POGZ: variants seen among roughly 807,000 people sequenced by gnomAD.
The protein encoded by POGZ is pogo transposable element derived with ZNF domain.
POGZ carries 17 observed loss-of-function variants against 134.6 expected under a neutral mutation model. The ratio of observed to expected loss-of-function variants is 0.13; its 90% CI spans 0.09 to 0.19. The LOEUF is 0.19. Among genes scored for constraint, POGZ ranks in the 10% least tolerant of loss-of-function variants. The pLI is 1.00. For missense variants in POGZ, 1,306 were observed against 1,769.7 expected (o/e 0.74, Z 4.70); for synonymous variants, 693 against 657.1 (o/e 1.05, Z -0.84).
chr1:151,427,841 G>A lies in POGZ; in HGVS notation c.1060C>T (p.Pro354Ser). ...ATTGTACCTTTCATTGAAGACTCAGGTCCGCTGGTTCTTTGAGAGCCATGA... is the reference window on the plus strand; with the variant it reads ...ATTGTACCTTTCATTGAAGACTCAGATCCGCTGGTTCTTTGAGAGCCATGA... ...SAHGSQRTSG[P>S]ESSMKVTSSI... The change falls in exon 7 of 19, where the codon CCT becomes TCT. Residue 354 changes from proline (P) to serine (S), a missense_variant. Coordinates refer to ENST00000271715, the MANE Select transcript of POGZ (RefSeq NM_015100.4). 1 of 1,612,366 alleles carries A rather than the reference G, an allele frequency of 6.2e-7. No homozygotes were observed. Among genetic ancestry groups the A allele is most frequent in the Non-Finnish European group, 8.5e-7 (1 of 1,178,430 alleles).
Position 151,403,300 on chromosome 1 carries a change from C to T in POGZ, c.*1502G>A. 2 of 985,560 alleles carry T rather than the reference C, an allele frequency of 2.0e-6. No homozygotes were observed. Among genetic ancestry groups the T allele is most frequent in the Non-Finnish European group, 2.4e-6 (2 of 829,780 alleles). 61.1% of individuals were successfully genotyped at this position (985,560 alleles called of 1,614,324 possible). ...CAGGCCCATCACATCTTGAGCATTC[C>T]CCAGTCTGTGAAAGCCTATTAAACA... On this transcript the variant is annotated 3_prime_UTR_variant, in exon 19 of 19. Transcript: ENST00000271715.
intron 3 of POGZ, among the ~76,000 whole-genome samples, chr1:151,435,892 T>C (rs1177599459): frequency 1.3e-5 from 2 of 152,192 alleles, no homozygotes; most frequent in Non-Finnish European, 2.9e-5. Flanking sequence ...TTCAGTGATT[T>C]TTTTTTATAT....
rs746939109 is a variant in POGZ at position 151,408,029 on chromosome 1, AAAGAAG to A, written c.2375+65_2375+70del. 1.4e-3 allele frequency: 391 copies of A among 270,218 alleles called. 5 individuals are homozygous for A. In the East Asian group the frequency reaches 0.019, roughly 13 times the overall value. The allele number at this position is 270,218 out of a possible 1,614,324, so 16.7% of individuals were successfully genotyped here. A position where few individuals can be genotyped will look rare whatever the true frequency, so the allele number is the denominator to read the frequency against. ...CCTGTCTTCAAAAAAAAAAAAAAAA[AAAGAAG>A]AAGAAGAAGAAGAAAAAAAGAATCT... On this transcript the variant is annotated intron_variant, in intron 15 of 18. Coordinates refer to ENST00000271715, the MANE Select transcript of POGZ (RefSeq NM_015100.4).
chr1:151,438,359 C>T (rs1490409120), intron 3 of POGZ, among the ~76,000 whole-genome samples: 1 of 151,864 alleles, frequency 6.6e-6, no homozygotes, highest in East Asian at 1.9e-4. Context: ...TTTTGGAATA[C>T]ACAAGACTGT....
At chr1:151,441,298 T>A (rs1319719051) in intron 2 of POGZ, among the ~76,000 whole-genome samples, 1 of 152,228 alleles carries the variant, frequency 6.6e-6, no homozygotes, top group African/African-American at 2.4e-5. Context: ...ATCTCCTGGT[T>A]AATTAAGTTA....
intron 1 of POGZ, among the ~76,000 whole-genome samples, chr1:151,458,726 G>A (rs1395010786): frequency 6.9e-6 from 1 of 143,948 alleles, no homozygotes; most frequent in Admixed American, 6.9e-5. Flanking sequence ...CACCGCCCGC[G>A]CCCGCGCCGC....
chr1:151,443,037 C>T (rs1287222202), intron 1 of POGZ, among the ~76,000 whole-genome samples: 1 of 152,010 alleles, frequency 6.6e-6, no homozygotes, highest in African/African-American at 2.4e-5. Context: ...AAAACAACAA[C>T]AACAACAAAA....
chr1:151,434,046 C>T (rs529830292), intron 3 of POGZ, among the ~76,000 whole-genome samples: 4 of 152,156 alleles, frequency 2.6e-5, no homozygotes, highest in South Asian at 2.1e-4. Context: ...TGGTGGCTTA[C>T]GCCTATAATG....
rs1468397421 is a variant in POGZ at position 151,413,109 on chromosome 1, T to TA, written c.1679-714_1679-713insT. On this transcript the variant is annotated intron_variant, in intron 10 of 18. Coordinates refer to ENST00000271715, the MANE Select transcript of POGZ (RefSeq NM_015100.4). ...GTGAGCCACCGTGCCTGGGCTTTTTTTTTTTTTTTTTTTTTTAAGAGACAG... is the reference window on the plus strand; with the variant it reads ...GTGAGCCACCGTGCCTGGGCTTTTTTATTTTTTTTTTTTTTTTAAGAGACAG... 6.1e-5 allele frequency among the ~76,000 whole-genome samples: 9 copies of TA among 148,686 alleles called. No individual in the cohort carries two copies. In the East Asian group the frequency reaches 1.8e-3, roughly 29 times the overall value.
At position 151,408,709 on chromosome 1, in the gene POGZ, C is replaced by G; in HGVS notation, c.2046G>C (p.Leu682Phe). Residue 682 changes from leucine (L) to phenylalanine (F), a missense_variant, in exon 13 of 19, where the codon TTG becomes TTC. Physicochemically the swap from Leu to Phe is conservative, Grantham distance 22. Coordinates refer to ENST00000271715, the MANE Select transcript of POGZ (RefSeq NM_015100.4). ...AACTCTTTACCTTGGTGCCTGGTTT[C>G]AAGCCCTCCAGCTGCTTGGGTTTAC... ...TFRKPKQLEG[L>F]KPGTKVTIRA... 6.2e-7 allele frequency: 1 copy of G among 1,613,994 alleles called. No homozygotes were observed. The highest frequency in any genetic ancestry group is 8.5e-7 in the Non-Finnish European group (1 of 1,179,992).
rs776033842 is a variant in POGZ at position 151,442,254 on chromosome 1, T to C, written c.-1-49A>G. 5.8e-6 allele frequency: 9 copies of C among 1,562,820 alleles called. No individual in the cohort carries two copies. In the East Asian group the frequency reaches 6.8e-5, roughly 12 times the overall value. ...GATATGGGCCTAAGAATAGGAGATA[T>C]TGCTTTATACCAAATATGAAATCAG... On this transcript the variant is annotated intron_variant, in intron 1 of 18. Transcript: ENST00000271715.
At position 151,405,105 on chromosome 1, in the gene POGZ, A is replaced by G. The variant is rs781429282; in HGVS notation, c.3930T>C (p.Gly1310=). ...CTAGCTCTGGACAGTCCCCAATGAC[A>G]CCTAGCACTTCACCCAGCCAGACAA... The part of the protein sequence containing the change: ...LVLVWLGEVL[G]VIGDCPELVQ... Residue 1310 remains glycine, a synonymous_variant, in exon 19 of 19, where the codon GGT becomes GGC. Transcript: ENST00000271715. This position sits in a 1 kb window ranked among gnomAD's most constrained non-coding sequence, Gnocchi z 4.9. 6.2e-7 allele frequency: 1 copy of G among 1,614,186 alleles called. No homozygotes were observed. The highest frequency in any genetic ancestry group is 8.5e-7 in the Non-Finnish European group (1 of 1,180,032).
chr1:151,406,949 A>G lies in POGZ; in HGVS notation c.2507T>C (p.Phe836Ser). The G allele has an allele frequency of 6.2e-7, 1 of 1,614,148 alleles. No individual in the cohort carries two copies. The highest frequency in any genetic ancestry group is 8.5e-7 in the Non-Finnish European group (1 of 1,179,976). ...VGDAMAKHLV[F>S]NPSHRSSSIL... is the part of the protein sequence containing the mutation. ...GCTGCTGGATCTGTGAGAGGGGTTG[A>G]ATACCAAATGCTTGGCCATAGCATC... The change falls in exon 17 of 19, where the codon TTC (phenylalanine) becomes TCC (serine). Residue 836 changes from phenylalanine (F) to serine (S), a missense_variant. Around this residue, in one of 10 missense-constraint regions of POGZ, gnomAD observed 214 missense variants for 255.5 expected, o/e 0.84. Coordinates refer to ENST00000271715, the MANE Select transcript of POGZ (RefSeq NM_015100.4).
intron 12 of POGZ, among the ~76,000 whole-genome samples, chr1:151,409,335 A>ATG (rs1557875147): frequency 2.0e-5 from 3 of 152,188 alleles, no homozygotes; most frequent in Non-Finnish European, 4.4e-5. Flanking sequence ...GTCTACACAT[A>ATG]TAACTGTATC....
At chr1:151,433,928 C>A (rs1571490610) in intron 3 of POGZ, among the ~76,000 whole-genome samples, 1 of 152,296 alleles carries the variant, frequency 6.6e-6, no homozygotes, top group East Asian at 1.9e-4. Context: ...CCCGTAGTCC[C>A]AGCTATTTGA....
At chr1:151,444,474 T>C (rs1660992567) in intron 1 of POGZ, among the ~76,000 whole-genome samples, 1 of 152,214 alleles carries the variant, frequency 6.6e-6, no homozygotes, top group African/African-American at 2.4e-5. Flanking sequence ...AGTCAACAGA[T>C]AATTAATGCG....
At chr1:151,432,833 T>C (rs1052689524) in intron 3 of POGZ, among the ~76,000 whole-genome samples, 1 of 152,212 alleles carries the variant, frequency 6.6e-6, no homozygotes, top group African/African-American at 2.4e-5. Flanking sequence ...AATTATTCAA[T>C]ATCAAATACC....
At chr1:151,435,849 A>G (rs990821422) in intron 3 of POGZ, among the ~76,000 whole-genome samples, 6 of 152,100 alleles carry the variant, frequency 3.9e-5, no homozygotes, top group African/African-American at 1.4e-4. Flanking sequence ...GCTTTGAGAT[A>G]TAATCCACAT....
chr1:151,455,798 A>C (rs1662693717), intron 1 of POGZ, among the ~76,000 whole-genome samples: 1 of 152,180 alleles, frequency 6.6e-6, no homozygotes, highest in Non-Finnish European at 1.5e-5. Context: ...TAAGTATATA[A>C]TGAAAATCTA....
Sources: gnomAD v4.1 joint callset for allele counts (sites outside exome capture counted in the v4.1 genomes callset) on GRCh38, gnomAD v4.1.1 for gene constraint, gnomAD v4.1.1 regional missense constraint, Gnocchi (gnomAD v3.1) non-coding constraint, MANE v1.5 for transcripts, NCBI Gene and HGNC (gene_info 2026-07-23, HGNC 2026-07-21) for gene names.